DPYSL2: variants seen among roughly 807,000 people sequenced by gnomAD.
DPYSL2 encodes dihydropyrimidinase like 2, also known as dihydropyrimidinase-related protein 2.
Under a neutral mutation model 69.9 loss-of-function variants are expected in DPYSL2, and 13 were observed. The ratio of observed to expected loss-of-function variants is 0.19; its 90% CI spans 0.12 to 0.30. The LOEUF (loss-of-function observed/expected upper bound fraction) is 0.30. Ranked by LOEUF, DPYSL2 falls within the 10% of genes least tolerant of loss-of-function variation. The pLI, the probability that DPYSL2 is intolerant of heterozygous loss-of-function variation, is 1.00. For synonymous variants in DPYSL2, 326 were observed against 359.1 expected (o/e 0.91, Z 1.04); for missense variants, 587 against 918.9 (o/e 0.64, Z 4.67).
intron 3 of DPYSL2, among the ~76,000 whole-genome samples, chr8:26,615,527 T>C (rs1018327409): frequency 1.3e-5 from 2 of 150,850 alleles, no homozygotes; most frequent in Non-Finnish European, 3.0e-5. Context: ...TTGAGTCACA[T>C]AGTTCCATGA....
Position 26,583,814 on chromosome 8 carries a change from T to C in DPYSL2, c.459T>C (p.Asn153=), listed in dbSNP as rs1164700972. The C allele has an allele frequency of 6.2e-7, 1 of 1,610,470 alleles. No homozygotes were observed. The highest frequency in any genetic ancestry group is 1.7e-5 in the Admixed American group (1 of 59,048). Residue 153 remains asparagine (N), a synonymous_variant, in exon 3 of 14, where the codon AAT becomes AAC. Coordinates refer to ENST00000521913, the MANE Select transcript of DPYSL2 (RefSeq NM_001197293.3). ...GTTTATTTAGGCAAATAGGAGAAAA[T>C]CTGATTGTGCCAGGAGGAGTGAAGA... The part of the protein sequence containing the change: ...EDGLIKQIGE[N]LIVPGGVKTI...
rs1267866029 is a variant in DPYSL2 at position 26,634,802 on chromosome 8, G to A, written c.1028G>A (p.Arg343His). Residue 343 changes from arginine (R) to histidine (H), a missense_variant, in exon 8 of 14, where the codon CGT becomes CAT. Around this residue, in one of 3 missense-constraint regions of DPYSL2, gnomAD observed 452 missense variants for 754.3 expected, o/e 0.60. Transcript: ENST00000521913. ...CAGGTCGAGGCCGAAGCCGTGAATC[G>A]TGCCATCACCATCGCCAACCAGACC... ...PEEVEAEAVNRAITIANQTNC... is the reference protein window; with the variant it reads ...PEEVEAEAVNHAITIANQTNC... 6.2e-7 allele frequency: 1 copy of A among 1,614,184 alleles called. No homozygotes were observed. Among genetic ancestry groups the A allele is most frequent in the Non-Finnish European group, 8.5e-7 (1 of 1,180,028 alleles).
rs1254335864 is a variant in DPYSL2, at chr8:26,602,858, A to G, written c.628+18875A>G. 3.9e-5 allele frequency among the ~76,000 whole-genome samples: 6 copies of G among 152,336 alleles called. No homozygotes were observed. The South Asian group carries it at 1.0e-3, about 26-fold the overall frequency. ...AGGTTCCAGTGGAACAGAGAAGAGA[A>G]ATCTTTAAAATCTGCCTGGGAGAGC... On this transcript the variant is annotated intron_variant, in intron 3 of 13. Transcript: ENST00000521913.
intron 1 of DPYSL2, chr8:26,577,965 C>T: frequency 3.1e-6 from 4 of 1,286,322 alleles, no homozygotes; most frequent in Middle Eastern, 3.0e-4. Context: ...TTTATTTCCA[C>T]CCCCTTCCCT....
At chr8:26,595,353 T>C (rs1325157020) in intron 3 of DPYSL2, among the ~76,000 whole-genome samples, 2 of 152,188 alleles carry the variant, frequency 1.3e-5, no homozygotes, top group Non-Finnish European at 2.9e-5. Flanking sequence ...ATTTGGAGCC[T>C]GATTTTCTTG....
chr8:26,603,575 C>T (rs1006100381), intron 3 of DPYSL2, among the ~76,000 whole-genome samples: 1 of 152,334 alleles, frequency 6.6e-6, no homozygotes, highest in Admixed American at 6.5e-5. Context: ...CATTGTTGTA[C>T]AGTCATCACC....
chr8:26,649,974 AG>A (rs1803249561), intron 11 of DPYSL2, among the ~76,000 whole-genome samples: 1 of 152,132 alleles, frequency 6.6e-6, no homozygotes, highest in Non-Finnish European at 1.5e-5. Flanking sequence ...GAGGTCTTCT[AG>A]GTGCTCATTT....
intron 1 of DPYSL2, among the ~76,000 whole-genome samples, chr8:26,538,654 A>C (rs1800634508): frequency 1.3e-5 from 2 of 152,116 alleles, no homozygotes; most frequent in African/African-American, 4.8e-5. Flanking sequence ...AAGAACCACC[A>C]CTGTGTCCTG....
At position 26,548,405 on chromosome 8, in the gene DPYSL2, A is replaced by G. The variant is rs561954852; in HGVS notation, c.355-33564A>G. 13 of 193,794 alleles carry G rather than the reference A, an allele frequency of 6.7e-5. No homozygotes were observed. The East Asian group carries it at 1.9e-3, about 29-fold the overall frequency. The allele number at this position is 193,794 out of a possible 1,614,324, so 12.0% of individuals were successfully genotyped here. On this transcript the variant is annotated intron_variant, in intron 1 of 13. Coordinates refer to ENST00000521913, the MANE Select transcript of DPYSL2 (RefSeq NM_001197293.3). ...GTGAAGAGAAGCCGTCTATATACTG[A>G]GCCCAGGGCTAGAAGAGAAATAAAT...
chr8:26,575,322 A>C (rs1046407270), intron 1 of DPYSL2, among the ~76,000 whole-genome samples: 3 of 151,988 alleles, frequency 2.0e-5, no homozygotes, highest in Admixed American at 1.3e-4. Context: ...TCTGAAGTAA[A>C]AGTGTGAGGC....
rs761907465 is a variant in DPYSL2, at chr8:26,627,315, G to A, written c.936+20G>A. ...GCAGAGGTACAGGGCTTTCTTTTTCGTCATTTCTTCATCACCTGGAGGGTG... is the reference window on the plus strand; with the variant it reads ...GCAGAGGTACAGGGCTTTCTTTTTCATCATTTCTTCATCACCTGGAGGGTG... On this transcript the variant is annotated intron_variant, in intron 6 of 13. Transcript: ENST00000521913. The surrounding 1 kb of genome is among the most constrained non-coding windows in gnomAD (Gnocchi z 6.9). The A allele has an allele frequency of 2.9e-5, 46 of 1,613,256 alleles. No homozygotes were observed. Among genetic ancestry groups the A allele is most frequent in the South Asian group, 1.2e-4 (11 of 91,058 alleles).
At position 26,650,485 on chromosome 8, in the gene DPYSL2, C is replaced by T. The variant is rs1237431075; in HGVS notation, c.1597-1772C>T. Among the ~76,000 whole-genome samples the T allele has an allele frequency of 6.6e-6, 1 of 152,182 alleles. No homozygotes were observed. The highest frequency in any genetic ancestry group is 1.5e-5 in the Non-Finnish European group (1 of 68,040). Reference sequence around the variant, plus strand: ...ATGAGGCTTTTTGTATTGTCATCTTCACATACACCTCGGGAGGGTGCAGAT... The same window carrying T: ...ATGAGGCTTTTTGTATTGTCATCTTTACATACACCTCGGGAGGGTGCAGAT... On this transcript the variant is annotated intron_variant, in intron 11 of 13. Transcript: ENST00000521913. This position sits in a 1 kb window ranked among gnomAD's most constrained non-coding sequence, Gnocchi z 5.3.
chr8:26,598,776 G>T lies in DPYSL2; in HGVS notation c.628+14793G>T, dbSNP rs1801923716. ...ATTACAAGCTCCAGGTGAAGAGCAG[G>T]TTTGAGACTTACACCTTGTTTATTG... On this transcript the variant is annotated intron_variant, in intron 3 of 13. Transcript: ENST00000521913. The surrounding 1 kb of genome is among the most constrained non-coding windows in gnomAD (Gnocchi z 4.2). Among the ~76,000 whole-genome samples, 1 of 151,118 alleles carries T rather than the reference G, an allele frequency of 6.6e-6. No homozygotes were observed. Among genetic ancestry groups the T allele is most frequent in the African/African-American group, 2.4e-5 (1 of 41,006 alleles).
At chr8:26,559,406 CT>C (rs1440015341) in intron 1 of DPYSL2, among the ~76,000 whole-genome samples, 8 of 152,162 alleles carry the variant, frequency 5.3e-5, no homozygotes, top group Non-Finnish European at 1.0e-4. Context: ...AATTTACATT[CT>C]TGCGAAAGAA....
At chr8:26,639,137 C>T (rs1271834614) in intron 8 of DPYSL2, among the ~76,000 whole-genome samples, 1 of 152,188 alleles carries the variant, frequency 6.6e-6, no homozygotes, top group African/African-American at 2.4e-5. Flanking sequence ...TTATGAGAAG[C>T]ACATGGTCGC....
rs535290703 is a variant in DPYSL2, at chr8:26,641,034, G to A, written c.1127-2405G>A. On this transcript the variant is annotated intron_variant, in intron 8 of 13. Transcript: ENST00000521913. This position sits in a 1 kb window ranked among gnomAD's most constrained non-coding sequence, Gnocchi z 4.1. The stretch of plus-strand genomic sequence containing the variant: ...AGCTCCCCACCCCAAGCTGAGTTGT[G>A]TTTCGCAGGGAGAGATAAGCCTGTG... 7.4e-4 allele frequency among the ~76,000 whole-genome samples: 112 copies of A among 152,322 alleles called. No homozygotes were observed. The highest frequency in any genetic ancestry group is 2.4e-3 in the African/African-American group (101 of 41,568).
At chr8:26,636,893 C>G (rs909192192) in intron 8 of DPYSL2, among the ~76,000 whole-genome samples, 1 of 152,096 alleles carries the variant, frequency 6.6e-6, no homozygotes, top group African/African-American at 2.4e-5. Flanking sequence ...GGCGCCCCCC[C>G]ATCACACCCA....
At chr8:26,529,566 C>T (rs1671488416) in intron 1 of DPYSL2, among the ~76,000 whole-genome samples, 1 of 152,044 alleles carries the variant, frequency 6.6e-6, no homozygotes, top group African/African-American at 2.4e-5. Context: ...ATCCTCCTGC[C>T]TCAGCCTACC....
chr8:26,566,735 A>T (rs1801156112), intron 1 of DPYSL2, among the ~76,000 whole-genome samples: 1 of 152,182 alleles, frequency 6.6e-6, no homozygotes, highest in African/African-American at 2.4e-5. Context: ...TTGGAAGGTT[A>T]TTTTAGACTC....
Sources: gnomAD v4.1 joint callset for allele counts (sites outside exome capture counted in the v4.1 genomes callset) on GRCh38, gnomAD v4.1.1 for gene constraint, gnomAD v4.1.1 regional missense constraint, Gnocchi (gnomAD v3.1) non-coding constraint, MANE v1.5 for transcripts, NCBI Gene and HGNC (gene_info 2026-07-23, HGNC 2026-07-21) for gene names.